The following PCDHA5 variants were observed in gnomAD, a reference collection of about 807,000 sequenced individuals.
PCDHA5 encodes the protein protocadherin alpha 5.
In PCDHA5, 43 loss-of-function variants were observed where a neutral mutation model predicts 61.6. That is an observed-to-expected ratio of 0.70 (90% CI 0.55 to 0.90). The LOEUF (loss-of-function observed/expected upper bound fraction) is 0.90. Among genes scored for constraint, PCDHA5 ranks in the 40% least tolerant of loss-of-function variants. The pLI is 0.00. For synonymous variants in PCDHA5, 627 were observed against 543.9 expected (o/e 1.15, Z -2.13); for missense variants, 1,298 against 1,222.7 (o/e 1.06, Z -0.92).
At chr5:140,962,358 T>C (rs1167082870) in intron 1 of PCDHA5, among the ~76,000 whole-genome samples, 4 of 152,230 alleles carry the variant, frequency 2.6e-5, no homozygotes, top group Non-Finnish European at 5.9e-5. Context: ...CCCCCAATAC[T>C]GGCTAGTTTG....
At chr5:141,008,784 A>G (rs541946217) in intron 3 of PCDHA5, among the ~76,000 whole-genome samples, 2 of 152,320 alleles carry the variant, frequency 1.3e-5, no homozygotes, top group East Asian at 3.9e-4. Flanking sequence ...ATTGGCTCCC[A>G]GTGTTTTATC....
chr5:140,883,712 G>A lies in PCDHA5; in HGVS notation c.2352+59585G>A, dbSNP rs372048294. On this transcript the variant is annotated intron_variant, in intron 1 of 3. Transcript: ENST00000529859. ...CATCTTCACGGTGTCTGCTCAGGAC[G>A]CGGACGCACAGGAGAACGCGCTGGT... 1.6e-5 allele frequency: 26 copies of A among 1,613,658 alleles called. No homozygotes were observed. The highest frequency in any genetic ancestry group is 2.2e-5 in the East Asian group (1 of 44,880).
At chr5:140,995,371 C>G (rs143381591) in intron 3 of PCDHA5, among the ~76,000 whole-genome samples, 3 of 152,120 alleles carry the variant, frequency 2.0e-5, no homozygotes, top group Admixed American at 1.3e-4. Flanking sequence ...GGATGATTCA[C>G]GTACTGGGCA....
chr5:140,969,542 C>T, intron 1 of PCDHA5: 1 of 1,279,490 alleles, frequency 7.8e-7, no homozygotes, highest in South Asian at 1.6e-5. Flanking sequence ...TTTTCAGAGG[C>T]ATGAAGCCTT....
chr5:141,006,944 A>G (rs2098295543), intron 3 of PCDHA5, among the ~76,000 whole-genome samples: 1 of 152,202 alleles, frequency 6.6e-6, no homozygotes, highest in African/African-American at 2.4e-5. Context: ...GATACCAGAT[A>G]GGCAGTTATA....
chr5:140,932,750 GGAAA>G (rs1554209054), intron 1 of PCDHA5, among the ~76,000 whole-genome samples: 1 of 151,518 alleles, frequency 6.6e-6, no homozygotes, highest in Non-Finnish European at 1.5e-5. Flanking sequence ...TCAGTAAAAA[GGAAA>G]GAAAAAGAAC....
At chr5:140,835,237 T>G (rs1271413656) in intron 1 of PCDHA5, 2 of 1,599,540 alleles carry the variant, frequency 1.3e-6, no homozygotes, top group Non-Finnish European at 1.7e-6. Context: ...TCCAGTGATG[T>G]TTCTCCAGAT....
At chr5:140,927,610 A>C in intron 1 of PCDHA5, 2 of 1,614,162 alleles carry the variant, frequency 1.2e-6, no homozygotes, top group Non-Finnish European at 1.7e-6. Flanking sequence ...CGTATACCGC[A>C]CCAAGGTTCC....
intron 1 of PCDHA5, among the ~76,000 whole-genome samples, chr5:140,909,546 A>T (rs1322878685): frequency 6.6e-6 from 1 of 152,180 alleles, no homozygotes; most frequent in African/African-American, 2.4e-5. Flanking sequence ...TGATGGTGGC[A>T]CTAATCTCTG....
chr5:140,996,312 G>A (rs1397001765), intron 3 of PCDHA5, among the ~76,000 whole-genome samples: 2 of 152,186 alleles, frequency 1.3e-5, no homozygotes, highest in African/African-American at 2.4e-5. Flanking sequence ...CAAAGTAAGG[G>A]GGGAGGGTAG....
At chr5:140,938,125 A>G (rs1339364898) in intron 1 of PCDHA5, among the ~76,000 whole-genome samples, 1 of 152,120 alleles carries the variant, frequency 6.6e-6, no homozygotes, top group Admixed American at 6.5e-5. Context: ...TTTTTTAAAA[A>G]AATAGAGATA....
chr5:140,829,457 G>C, intron 1 of PCDHA5: 4 of 1,613,878 alleles, frequency 2.5e-6, no homozygotes, highest in Non-Finnish European at 3.4e-6. Context: ...TCCGGCGTTC[G>C]CGCAGCCCGA....
At chr5:140,997,668 T>TTGTGTGTGTGTGTGTGTG (rs35184029) in intron 3 of PCDHA5, among the ~76,000 whole-genome samples, 77 of 148,344 alleles carry the variant, frequency 5.2e-4, no homozygotes, top group African/African-American at 1.8e-3. Context: ...ATTATACAGC[T>TTGTGTGTGTGTGTGTGTG]TGTGTGTGTG....
chr5:140,835,845 G>C, intron 1 of PCDHA5: 2 of 1,612,312 alleles, frequency 1.2e-6, no homozygotes, highest in Non-Finnish European at 1.7e-6. Context: ...GCAGAAGAAC[G>C]CGCTGGTGTC....
In PCDHA5 at chr5:140,982,560, C is replaced by T. The variant is rs782437404; in HGVS notation, c.2497C>T (p.Pro833Ser). 6.2e-7 allele frequency: 1 copy of T among 1,614,098 alleles called. No homozygotes were observed. Among genetic ancestry groups the T allele is most frequent in the Admixed American group, 1.7e-5 (1 of 60,022 alleles). ...GTGGCCAACAGTATCCAGTGCAACA[C>T]CAGGTAAAGAGCTGGGGTCTCTCCA... ...QQWPTVSSAT[P>S]EPEAGEVSPP... The change falls in exon 3 of 4, where the codon CCA (proline) becomes TCA (serine). Residue 833 changes from proline (P) to serine (S), a missense_variant. Coordinates refer to ENST00000529859, the MANE Select transcript of PCDHA5 (RefSeq NM_018908.3).
chr5:140,864,764 T>C (rs1202500851), intron 1 of PCDHA5: 2 of 152,238 alleles, frequency 1.3e-5, no homozygotes, highest in East Asian at 3.8e-4. Context: ...TTTTCTTTCA[T>C]TTTTGGTACC....
intron 1 of PCDHA5, chr5:140,969,195 A>G: frequency 6.2e-7 from 1 of 1,614,158 alleles, no homozygotes; most frequent in Non-Finnish European, 8.5e-7. Flanking sequence ...ATGTTTTACA[A>G]TACAGGGGCC....
chr5:140,821,697 A>G lies in PCDHA5; in HGVS notation c.-79A>G. 7.1e-7 allele frequency: 1 copy of G among 1,400,570 alleles called. No homozygotes were observed. The highest frequency in any genetic ancestry group is 2.3e-5 in the East Asian group (1 of 43,610). The allele number at this position is 1,400,570 out of a possible 1,614,324, so 86.8% of individuals were successfully genotyped here. On this transcript the variant is annotated 5_prime_UTR_variant, in exon 1 of 4. The change creates a new upstream start codon in the 5' untranslated region. Coordinates refer to ENST00000529859, the MANE Select transcript of PCDHA5 (RefSeq NM_018908.3). ...AGAAAGGCGATAATATAAAAAATATATAGTTAATTGGGAATTGAATTTACA... is the reference window on the plus strand; with the variant it reads ...AGAAAGGCGATAATATAAAAAATATGTAGTTAATTGGGAATTGAATTTACA...
At chr5:140,851,144 T>C in intron 1 of PCDHA5, 1 of 1,310,570 alleles carries the variant, frequency 7.6e-7, no homozygotes, top group Non-Finnish European at 9.9e-7. Context: ...TAAAGTGACA[T>C]TGAATTTCTG....
Sources: allele counts gnomAD v4.1 joint callset (sites outside exome capture counted in the v4.1 genomes callset), GRCh38; gene constraint gnomAD v4.1.1; transcripts MANE v1.5; gene names NCBI Gene and HGNC (gene_info 2026-07-23, HGNC 2026-07-21).